Variants in ADAM2 observed in about 807,000 individuals in gnomAD.
The protein encoded by ADAM2 is disintegrin and metalloproteinase domain-containing protein 2.
A neutral mutation model predicts 99.3 loss-of-function variants in ADAM2; 101 were observed. That is an observed-to-expected ratio of 1.02 (90% CI 0.87 to 1.20). The LOEUF is 1.20. Ranked by LOEUF, ADAM2 falls within the 50% of genes most tolerant of loss-of-function variation. ADAM2 has a pLI of 0.00. For missense variants in ADAM2, 948 were observed against 878.7 expected, an observed-to-expected ratio of 1.08 and a Z score of -1.00; for synonymous variants, 323 against 287.6, an observed-to-expected ratio of 1.12 and a Z score of -1.25.
At chr8:39,793,450 A>C (rs2129585791) in intron 7 of ADAM2, among the ~76,000 whole-genome samples, 1 of 152,272 alleles carries the variant, frequency 6.6e-6, no homozygotes, top group African/African-American at 2.4e-5. Flanking sequence ...GTGTTAAGCA[A>C]GTCTGCCCTA....
intron 10 of ADAM2, among the ~76,000 whole-genome samples, chr8:39,786,498 C>T (rs1803471609): frequency 6.6e-6 from 1 of 152,002 alleles, no homozygotes; most frequent in Non-Finnish European, 1.5e-5. Context: ...TTTGAATACA[C>T]TAACATTCTC....
intron 16 of ADAM2, among the ~76,000 whole-genome samples, chr8:39,753,895 A>C (rs776348916): frequency 2.6e-5 from 4 of 152,164 alleles, no homozygotes; most frequent in Non-Finnish European, 5.9e-5. Flanking sequence ...GGCAATTTAA[A>C]AACCTGCCAA....
intron 12 of ADAM2, among the ~76,000 whole-genome samples, chr8:39,767,692 T>C (rs1009952559): frequency 6.6e-6 from 1 of 152,240 alleles, no homozygotes; most frequent in Admixed American, 6.5e-5. Context: ...TGTTGATTTA[T>C]TTCATTTTTA....
At chr8:39,766,655 G>A (rs866662064) in intron 14 of ADAM2, among the ~76,000 whole-genome samples, 193 bp downstream of exon 14, 1 of 151,958 alleles carries the variant, frequency 6.6e-6, no homozygotes, top group Non-Finnish European at 1.5e-5. Context: ...TGATCTGCCC[G>A]CCTCGGCCTC....
At chr8:39,782,652 T>C (rs1478831589) in intron 10 of ADAM2, among the ~76,000 whole-genome samples, 3 of 152,150 alleles carry the variant, frequency 2.0e-5, no homozygotes, top group Non-Finnish European at 4.4e-5. Context: ...TTTATTGCCA[T>C]TAATTGGTTG....
chr8:39,778,716 A>G (rs888135309), intron 10 of ADAM2, among the ~76,000 whole-genome samples: 1 of 152,064 alleles, frequency 6.6e-6, no homozygotes, highest in African/African-American at 2.4e-5. Flanking sequence ...GAAAAGGAGA[A>G]GGAAAAGAAG....
intron 10 of ADAM2, among the ~76,000 whole-genome samples, chr8:39,782,763 G>A (rs1803287478): frequency 1.3e-5 from 2 of 151,586 alleles, no homozygotes; most frequent in Admixed American, 1.3e-4. Flanking sequence ...AGCTTTTTTT[G>A]AAATAAGATA....
intron 4 of ADAM2, among the ~76,000 whole-genome samples, chr8:39,823,365 A>T (rs368718637): frequency 1.3e-5 from 2 of 152,186 alleles, no homozygotes; most frequent in Non-Finnish European, 2.9e-5. Flanking sequence ...CCTGTTCCCA[A>T]CTGAATTTAA....
chr8:39,831,664 T>C (rs1185543021), intron 3 of ADAM2, among the ~76,000 whole-genome samples: 1 of 152,030 alleles, frequency 6.6e-6, no homozygotes, highest in Non-Finnish European at 1.5e-5. Context: ...ATCCTAACCA[T>C]GAAAAATATA....
chr8:39,761,057 A>C (rs1464641223), intron 15 of ADAM2, 119 bp downstream of exon 15: 18 of 516,656 alleles, frequency 3.5e-5, no homozygotes, highest in Non-Finnish European at 5.9e-5. Context: ...TAATTTGAAT[A>C]AACATGGTCT....
At chr8:39,776,387 T>C (rs1053139816) in intron 11 of ADAM2, among the ~76,000 whole-genome samples, 4 of 152,122 alleles carry the variant, frequency 2.6e-5, no homozygotes, top group Admixed American at 2.0e-4. Flanking sequence ...GGCTTGATTC[T>C]CTAACACATC....
intron 10 of ADAM2, among the ~76,000 whole-genome samples, chr8:39,780,572 C>T (rs1204252675): frequency 6.6e-6 from 1 of 152,080 alleles, no homozygotes; most frequent in East Asian, 1.9e-4. Context: ...AAAGTCAAGT[C>T]CAGAATATCA....
intron 14 of ADAM2, among the ~76,000 whole-genome samples, chr8:39,762,156 T>C (rs1469292823): frequency 1.3e-5 from 2 of 152,232 alleles, no homozygotes; most frequent in South Asian, 4.1e-4. Context: ...ACTGCTCTAC[T>C]TGATGGACTC....
intron 11 of ADAM2, among the ~76,000 whole-genome samples, chr8:39,775,232 T>C (rs770362769): frequency 1.3e-5 from 2 of 152,110 alleles, no homozygotes; most frequent in Non-Finnish European, 2.9e-5. Flanking sequence ...CTGGTTGACA[T>C]TCATAGATGT....
intron 6 of ADAM2, among the ~76,000 whole-genome samples, chr8:39,810,722 T>C (rs1442649627): frequency 6.6e-6 from 1 of 152,210 alleles, no homozygotes; most frequent in Non-Finnish European, 1.5e-5. Flanking sequence ...AATAAAGATG[T>C]TCTTTGAAAC....
chr8:39,820,594 T>A (rs1392120802), intron 6 of ADAM2, among the ~76,000 whole-genome samples: 1 of 152,138 alleles, frequency 6.6e-6, no homozygotes, highest in Non-Finnish European at 1.5e-5. Context: ...GAGGAAAATA[T>A]AATGACCTCC....
At chr8:39,814,673 CAGAT>C (rs1298821160) in intron 6 of ADAM2, among the ~76,000 whole-genome samples, 9 of 151,928 alleles carry the variant, frequency 5.9e-5, no homozygotes, top group Non-Finnish European at 1.3e-4. Flanking sequence ...AATAAATAGA[CAGAT>C]AGATAGATAT....
intron 2 of ADAM2, among the ~76,000 whole-genome samples, 193 bp from the exon 3 acceptor site, chr8:39,834,192 G>A (rs1467484009): frequency 6.6e-6 from 1 of 151,956 alleles, no homozygotes; most frequent in Non-Finnish European, 1.5e-5. Context: ...TCAAAATAAT[G>A]AATAAAATAA....
intron 11 of ADAM2, among the ~76,000 whole-genome samples, chr8:39,776,344 A>G (rs1802986937): frequency 6.6e-6 from 1 of 152,098 alleles, no homozygotes; most frequent in Non-Finnish European, 1.5e-5. Context: ...GCGGGAATGG[A>G]GACAGTGAGA....
Sources: gnomAD v4.1 joint callset for allele counts (sites outside exome capture counted in the v4.1 genomes callset) on GRCh38, gnomAD v4.1.1 for gene constraint, MANE v1.5 for transcripts, NCBI Gene and HGNC (gene_info 2026-07-23, HGNC 2026-07-21) for gene names.